TMEM94: variants seen among roughly 807,000 people sequenced by gnomAD.
TMEM94 encodes transmembrane protein 94.
A neutral mutation model predicts 158.6 loss-of-function variants in TMEM94; 81 were observed. The ratio of observed to expected loss-of-function variants is 0.51; its 90% CI spans 0.43 to 0.61. TMEM94 has a LOEUF of 0.61. Among genes scored for constraint, TMEM94 ranks in the 20% least tolerant of loss-of-function variants. TMEM94 has a pLI of 0.00. For synonymous variants in TMEM94, 751 were observed against 730.7 expected (o/e 1.03, Z -0.45); for missense variants, 1,435 against 1,762.0 (o/e 0.81, Z 3.32).
chr17:75,457,973 C>A (rs2049945881), intron 1 of TMEM94, among the ~76,000 whole-genome samples: 1 of 152,156 alleles, frequency 6.6e-6, no homozygotes. Context: ...TGCTTCCTGG[C>A]AATGACTAGG....
At chr17:75,480,983 T>C (rs2051114496) in intron 2 of TMEM94, among the ~76,000 whole-genome samples, 1 of 152,210 alleles carries the variant, frequency 6.6e-6, no homozygotes, top group African/African-American at 2.4e-5. Context: ...ACTGGAGGCC[T>C]GGGGTCTCTG....
chr17:75,495,378 C>T lies in TMEM94; in HGVS notation c.2823C>T (p.Ser941=). 6.2e-7 allele frequency: 1 copy of T among 1,613,860 alleles called. No homozygotes were observed. The highest frequency in any genetic ancestry group is 1.3e-5 in the African/African-American group (1 of 75,048). The change falls in exon 21 of 32, where the codon AGC becomes AGT. Residue 941 remains serine, a synonymous_variant. Coordinates refer to ENST00000314256, the MANE Select transcript of TMEM94 (RefSeq NM_014738.6). The surrounding 1 kb of genome is among the most constrained non-coding windows in gnomAD (Gnocchi z 5.6). ...SFQPTDSDIP[S]FLEDSNRAKL... Reference sequence around the variant, plus strand: ...AGCCTACGGACAGCGACATCCCCAGCTTCCTGGAGGACTCCAACCGGGTAC... The same window carrying T: ...AGCCTACGGACAGCGACATCCCCAGTTTCCTGGAGGACTCCAACCGGGTAC...
At position 75,495,842 on chromosome 17, in the gene TMEM94, G is replaced by A; in HGVS notation, c.2945-124G>A. 1 of 818,658 alleles carries A rather than the reference G, an allele frequency of 1.2e-6. No individual in the cohort carries two copies. The highest frequency in any genetic ancestry group is 1.7e-5 in the African/African-American group (1 of 58,714). The allele number at this position is 818,658 out of a possible 1,614,324, so 50.7% of individuals were successfully genotyped here. ...TTCACATGATCCCGCTGCCGGGGGT[G>A]GGATTGTTTCAAAGAGGGGCCCACC... On this transcript the variant is annotated intron_variant, in intron 22 of 31. Transcript: ENST00000314256. This position sits in a 1 kb window ranked among gnomAD's most constrained non-coding sequence, Gnocchi z 5.6.
Position 75,496,525 on chromosome 17 carries a change from G to A in TMEM94, c.3243+54G>A, listed in dbSNP as rs1346088432. On this transcript the variant is annotated intron_variant, in intron 24 of 31. Transcript: ENST00000314256. ...AGACGCAGGACAGGACCCGCCTGGG[G>A]TGGGAGTAGCAGCAAAGGACCTGTT... The A allele has an allele frequency of 3.8e-6, 6 of 1,577,988 alleles. No homozygotes were observed. In the East Asian group the frequency reaches 1.1e-4, roughly 30 times the overall value.
At chr17:75,471,961 G>A in intron 2 of TMEM94, 32 bp downstream of exon 2, 3 of 1,608,950 alleles carry the variant, frequency 1.9e-6, no homozygotes, top group Non-Finnish European at 2.6e-6. Flanking sequence ...TATAGGTATT[G>A]TCTGTGTGTC....
Position 75,498,204 on chromosome 17 carries a change from G to T in TMEM94, c.3519G>T (p.Leu1173=). The change falls in exon 28 of 32, where the codon CTG becomes CTT. Residue 1173 remains leucine (L), a synonymous_variant. Transcript: ENST00000314256. This position sits in a 1 kb window ranked among gnomAD's most constrained non-coding sequence, Gnocchi z 6.7. ...KTQHYFLLCF[L]LKFSLTISSC... ...AGCACTACTTCCTGCTCTGCTTCCT[G>T]CTCAAGTTCAGCCTCACCATCAGCT... The T allele has an allele frequency of 6.2e-7, 1 of 1,613,910 alleles. No homozygotes were observed. Among genetic ancestry groups the T allele is most frequent in the Non-Finnish European group, 8.5e-7 (1 of 1,180,014 alleles).
At chr17:75,483,536 C>T (rs2051343767) in intron 2 of TMEM94, among the ~76,000 whole-genome samples, 1 of 151,516 alleles carries the variant, frequency 6.6e-6, no homozygotes, top group South Asian at 2.1e-4. Context: ...TCTTGGCTCA[C>T]TGCAACCTCT....
At position 75,491,463 on chromosome 17, in the gene TMEM94, A is replaced by G; in HGVS notation, c.1386+8A>G. On this transcript the variant is annotated splice_region_variant and intron_variant, in intron 13 of 31. Coordinates refer to ENST00000314256, the MANE Select transcript of TMEM94 (RefSeq NM_014738.6). The surrounding 1 kb of genome is among the most constrained non-coding windows in gnomAD (Gnocchi z 5.1). ...TCCTTCTGCCATCCCGAGGTAGAGG[A>G]GGAGGTACGGCCGGCTCCCATGGGC... 1 of 1,613,960 alleles carries G rather than the reference A, an allele frequency of 6.2e-7. No homozygotes were observed. The highest frequency in any genetic ancestry group is 8.5e-7 in the Non-Finnish European group (1 of 1,180,010).
intron 1 of TMEM94, among the ~76,000 whole-genome samples, chr17:75,457,076 T>G (rs1224279832): frequency 6.6e-6 from 1 of 152,058 alleles, no homozygotes; most frequent in African/African-American, 2.4e-5. Context: ...CCCAGAGGGC[T>G]CCCAACGCCG....
rs2052274684 is a variant in TMEM94 at position 75,492,292 on chromosome 17, CAAG to C, written c.1597-178_1597-176del. 7.0e-7 allele frequency: 1 copy of C among 1,427,504 alleles called. No individual in the cohort carries two copies. 88.4% of individuals were successfully genotyped at this position (1,427,504 alleles called of 1,614,324 possible). A position where few individuals can be genotyped will look rare whatever the true frequency, so the allele number is the denominator to read the frequency against. ...TAGTCCATAGAAGCAGACAGGAGCC[CAAG>C]AAGGACAGGAAGCGGATTTCAGGAG... On this transcript the variant is annotated intron_variant, in intron 14 of 31. Transcript: ENST00000314256. The surrounding 1 kb of genome is among the most constrained non-coding windows in gnomAD (Gnocchi z 4.4).
At position 75,499,811 on chromosome 17, in the gene TMEM94, C is replaced by G. The variant is rs2053124012; in HGVS notation, c.*477C>G. The G allele has an allele frequency of 6.3e-6, 1 of 159,322 alleles. No homozygotes were observed. Among genetic ancestry groups the G allele is most frequent in the Admixed American group, 5.9e-5 (1 of 16,876 alleles). The allele number at this position is 159,322 out of a possible 1,614,324, so 9.9% of individuals were successfully genotyped here. On this transcript the variant is annotated 3_prime_UTR_variant, in exon 32 of 32. Coordinates refer to ENST00000314256, the MANE Select transcript of TMEM94 (RefSeq NM_014738.6). The stretch of plus-strand genomic sequence containing the variant: ...TGGAGGGCAGGGGGGTGGTGCTTGC[C>G]TGGATGTGGCCCCGAGTGCCTCCCC...
rs767349290 is a variant in TMEM94 at position 75,491,422 on chromosome 17, T to C, written c.1353T>C (p.Asp451=). The C allele has an allele frequency of 6.2e-7, 1 of 1,614,140 alleles. No homozygotes were observed. The highest frequency in any genetic ancestry group is 1.7e-5 in the Admixed American group (1 of 60,030). The change falls in exon 13 of 32, where the codon GAT becomes GAC. Residue 451 remains aspartate (D), a synonymous_variant. Transcript: ENST00000314256. The surrounding 1 kb of genome is among the most constrained non-coding windows in gnomAD (Gnocchi z 5.1). ...ACAGCAGCCATGAGGACCTCACCGA[T>C]GGCCTATCCACCCGCTCCTTCTGCC... ...PPHSSHEDLT[D]GLSTRSFCHP... is the part of the protein sequence containing the mutation.
rs200793404 is a variant in TMEM94 at position 75,485,371 on chromosome 17, G to A, written c.25-57G>A. 5.9e-5 allele frequency: 94 copies of A among 1,581,938 alleles called. No homozygotes were observed. Among genetic ancestry groups the A allele is most frequent in the Non-Finnish European group, 7.1e-5 (82 of 1,159,300 alleles). The stretch of plus-strand genomic sequence containing the variant: ...AGGGAAGGGGAGGGTTGGGGCCCGC[G>A]TGCCTTGCATAGCCTTGGCCTGGCA... On this transcript the variant is annotated intron_variant, in intron 2 of 31. Coordinates refer to ENST00000314256, the MANE Select transcript of TMEM94 (RefSeq NM_014738.6). This position sits in a 1 kb window ranked among gnomAD's most constrained non-coding sequence, Gnocchi z 5.5.
At position 75,488,919 on chromosome 17, in the gene TMEM94, G is replaced by A; in HGVS notation, c.764+9G>A. 1.3e-6 allele frequency: 2 copies of A among 1,552,636 alleles called. No homozygotes were observed. Among genetic ancestry groups the A allele is most frequent in the Admixed American group, 1.9e-5 (1 of 52,992 alleles). On this transcript the variant is annotated intron_variant, in intron 7 of 31. Transcript: ENST00000314256. ...GTGATTGACAACATCAGGTAGGGGT[G>A]CTGCCCCGCCTCCTCCTGTCCCTGG...
At chr17:75,474,073 A>G (rs2146273430) in intron 2 of TMEM94, among the ~76,000 whole-genome samples, 1 of 152,150 alleles carries the variant, frequency 6.6e-6, no homozygotes. Flanking sequence ...AGATTGCACT[A>G]CTGCACTTCA....
At chr17:75,465,440 A>T (rs1363644453) in intron 1 of TMEM94, among the ~76,000 whole-genome samples, 1 of 149,522 alleles carries the variant, frequency 6.7e-6, no homozygotes, top group African/African-American at 2.5e-5. Context: ...TTATTTATTT[A>T]TTTATTTTAA....
rs895752413 is a variant in TMEM94 at position 75,499,149 on chromosome 17, C to T, written c.3998+67C>T. 2.8e-4 allele frequency: 450 copies of T among 1,580,036 alleles called. 1 individual carries two copies. Among genetic ancestry groups the T allele is most frequent in the East Asian group, 6.7e-5 (3 of 44,630 alleles). The stretch of plus-strand genomic sequence containing the variant: ...TTCCCTAAACCTGTTACTCCCTTGG[C>T]GACACTCCCCCACCTTTCCGCTGCC... On this transcript the variant is annotated intron_variant, in intron 31 of 31. Transcript: ENST00000314256.
chr17:75,494,730 C>G lies in TMEM94; in HGVS notation c.2511C>G (p.Ile837Met). 6.2e-7 allele frequency: 1 copy of G among 1,613,754 alleles called. No homozygotes were observed. The highest frequency in any genetic ancestry group is 8.5e-7 in the Non-Finnish European group (1 of 1,180,032). The change falls in exon 19 of 32, where the codon ATC (isoleucine) becomes ATG (methionine). Residue 837 changes from isoleucine (I) to methionine (M), a missense_variant. Ile to Met is a conservative substitution (Grantham distance 10). This residue lies in a region of TMEM94 where 1,051 missense variants were observed against 1,254.4 expected (regional missense o/e 0.84). Coordinates refer to ENST00000314256, the MANE Select transcript of TMEM94 (RefSeq NM_014738.6). ...CCCAGTACCAGGCCCGGCTGGACAT[C>G]GTGCGCCTCATTGATGGGCTTGTCA... is the stretch of plus-strand genomic sequence containing the variant. ...VSSQYQARLD[I>M]VRLIDGLVNA...
rs1178169688 is a variant in TMEM94 at position 75,463,122 on chromosome 17, ATATACGTGTAT to A, written c.-107+6372_-107+6382del. Among the ~76,000 whole-genome samples the A allele has an allele frequency of 1.1e-3, 5 of 4,432 alleles. 1 individual carries two copies. The highest frequency in any genetic ancestry group is 9.5e-3 in the African/African-American group (5 of 528). 2.9% of individuals were successfully genotyped at this position (4,432 alleles called of 152,430 possible). A position where few individuals can be genotyped will look rare whatever the true frequency, so the allele number is the denominator to read the frequency against. On this transcript the variant is annotated intron_variant, in intron 1 of 31. Transcript: ENST00000314256. ...TATATGTGTGTATATATATGTATAT[ATATACGTGTAT>A]ATATGTATATATATACACGTATATA...
Sources: allele counts gnomAD v4.1 joint callset (sites outside exome capture counted in the v4.1 genomes callset), GRCh38; gene constraint gnomAD v4.1.1; regional missense constraint gnomAD v4.1.1; non-coding constraint Gnocchi (gnomAD v3.1); transcripts MANE v1.5; gene names NCBI Gene and HGNC (gene_info 2026-07-23, HGNC 2026-07-21).